Variants in ACACA observed in about 807,000 individuals in gnomAD.
ACACA encodes acetyl-CoA carboxylase 1.
Under a neutral mutation model 296.1 loss-of-function variants are expected in ACACA, and 103 were observed. The ratio of observed to expected loss-of-function variants is 0.35; its 90% CI spans 0.30 to 0.41. The LOEUF (loss-of-function observed/expected upper bound fraction) is 0.41, where lower values mean the gene tolerates loss of function less well. ACACA is among the 10% of genes least tolerant of loss of function. The probability of loss-of-function intolerance (pLI) is 1.00; values close to 1 mark genes in which losing one functional copy is unlikely to be tolerated. For synonymous variants in ACACA, 953 were observed against 1,038.6 expected, an observed-to-expected ratio of 0.92 and a Z score of 1.58; for missense variants, 1,554 against 2,989.7, an observed-to-expected ratio of 0.52 and a Z score of 11.20.
At chr17:37,115,872 T>C (rs2074223557) in intron 50 of ACACA, among the ~76,000 whole-genome samples, 1 of 152,226 alleles carries the variant, frequency 6.6e-6, no homozygotes, top group Non-Finnish European at 1.5e-5. Flanking sequence ...CTTATTTATA[T>C]ATCCAAGTTG....
In ACACA at chr17:37,087,285, A is replaced by C. The variant is rs1178776238; in HGVS notation, c.*31T>G. 2 of 1,613,790 alleles carry C rather than the reference A, an allele frequency of 1.2e-6. No individual in the cohort carries two copies. Among genetic ancestry groups the C allele is most frequent in the Admixed American group, 3.3e-5 (2 of 60,006 alleles). ...AGGCAGCTCTAGCCCTTTTCTCCAGAGACAGGGCAGGGACAGGCAGGAAGC... is the reference window on the plus strand; with the variant it reads ...AGGCAGCTCTAGCCCTTTTCTCCAGCGACAGGGCAGGGACAGGCAGGAAGC... On this transcript the variant is annotated 3_prime_UTR_variant, in exon 56 of 56. Transcript: ENST00000616317.
intron 1 of ACACA, among the ~76,000 whole-genome samples, chr17:37,344,393 A>T (rs1205690667): frequency 6.6e-6 from 1 of 151,990 alleles, no homozygotes; most frequent in Non-Finnish European, 1.5e-5. Flanking sequence ...CCCAGTCTCT[A>T]CTAAAAACAC....
Position 37,252,082 on chromosome 17 carries a change from C to A in ACACA, c.2004G>T (p.Gly668=). ...VQAERPDTML[G]VVCGALHVAD... is the part of the protein sequence containing the mutation. ...CCACGTGGAGGGCACCACACACAACCCCCAACATGGTGTCAGGTCGCTCAG... is the reference window on the plus strand; with the variant it reads ...CCACGTGGAGGGCACCACACACAACACCCAACATGGTGTCAGGTCGCTCAG... Residue 668 remains glycine (G), a synonymous_variant, in exon 16 of 56, where the codon GGG becomes GGT. Coordinates refer to ENST00000616317, the MANE Select transcript of ACACA (RefSeq NM_198834.3). The A allele has an allele frequency of 6.2e-7, 1 of 1,614,140 alleles. No homozygotes were observed. The highest frequency in any genetic ancestry group is 8.5e-7 in the Non-Finnish European group (1 of 1,180,012).
At chr17:37,271,233 G>A (rs1468741977) in intron 9 of ACACA, among the ~76,000 whole-genome samples, 1 of 152,116 alleles carries the variant, frequency 6.6e-6, no homozygotes, top group Non-Finnish European at 1.5e-5. Context: ...GAAAAGAATG[G>A]GTCCGGGCAC....
At chr17:37,190,469 GA>G (rs2077709535) in intron 38 of ACACA, among the ~76,000 whole-genome samples, 1 of 152,040 alleles carries the variant, frequency 6.6e-6, no homozygotes, top group Non-Finnish European at 1.5e-5. Context: ...AGAGGGAGCA[GA>G]AACAGAGAGC....
At chr17:37,375,815 G>A (rs913150783) in intron 1 of ACACA, among the ~76,000 whole-genome samples, 18 of 152,180 alleles carry the variant, frequency 1.2e-4, no homozygotes, top group Non-Finnish European at 2.1e-4. Flanking sequence ...CTTCCTGCTC[G>A]AGAAACCTCT....
At chr17:37,258,457 T>G in intron 12 of ACACA, 84 bp from the exon 13 acceptor site, 1 of 1,364,546 alleles carries the variant, frequency 7.3e-7, no homozygotes, top group Non-Finnish European at 1.0e-6. Flanking sequence ...TAAAATATTT[T>G]TATTTTTGGA....
chr17:37,283,255 C>T lies in ACACA; in HGVS notation c.610+12G>A, dbSNP rs762314965. On this transcript the variant is annotated intron_variant, in intron 5 of 55. Transcript: ENST00000616317. ...TTTTGAGAGTGATGCTTTCATAATG[C>T]TAATAACTCACCTGCATTGGCTTTA... The T allele has an allele frequency of 1.7e-5, 27 of 1,613,940 alleles. No individual in the cohort carries two copies. In the Admixed American group the frequency reaches 4.0e-4, roughly 24 times the overall value.
At chr17:37,390,310 A>ATATATAT (rs2050795858) in intron 1 of ACACA, among the ~76,000 whole-genome samples, 1 of 48,326 alleles carries the variant, frequency 2.1e-5, no homozygotes, top group African/African-American at 1.3e-4. Flanking sequence ...ATAATTATAT[A>ATATATAT]TATATATATA....
chr17:37,268,426 A>C (rs2081893334), intron 10 of ACACA, among the ~76,000 whole-genome samples: 1 of 152,138 alleles, frequency 6.6e-6, no homozygotes, highest in Non-Finnish European at 1.5e-5. Context: ...GTCTATTTCC[A>C]GTTCACCCTT....
intron 42 of ACACA, among the ~76,000 whole-genome samples, chr17:37,159,563 T>C (rs2144372419): frequency 6.6e-6 from 1 of 152,316 alleles, no homozygotes; most frequent in African/African-American, 2.4e-5. Context: ...TTCAGATGTT[T>C]TGCAACCATT....
chr17:37,183,047 T>C (rs1450132752), intron 39 of ACACA, among the ~76,000 whole-genome samples: 1 of 152,084 alleles, frequency 6.6e-6, no homozygotes, highest in African/African-American at 2.4e-5. Flanking sequence ...AGATTCAAAG[T>C]GTTAAGTAAG....
At chr17:37,348,374 G>A (rs899113429) in intron 1 of ACACA, among the ~76,000 whole-genome samples, 46 of 151,964 alleles carry the variant, frequency 3.0e-4, no homozygotes, top group African/African-American at 1.1e-3. Flanking sequence ...GAGACACCAA[G>A]GCACATCACT....
At chr17:37,402,138 A>T (rs896922153) in intron 1 of ACACA, among the ~76,000 whole-genome samples, 4 of 152,218 alleles carry the variant, frequency 2.6e-5, no homozygotes, top group Non-Finnish European at 5.9e-5. Context: ...TAAAGAGGAC[A>T]AAAGGTGTTT....
intron 2 of ACACA, among the ~76,000 whole-genome samples, chr17:37,338,062 A>C (rs534932518): frequency 2.0e-5 from 3 of 152,056 alleles, no homozygotes; most frequent in African/African-American, 7.2e-5. Context: ...ACGCCACTGC[A>C]CTCCAGCCTG....
At chr17:37,214,436 G>C (rs1206449636) in intron 29 of ACACA, among the ~76,000 whole-genome samples, 7 of 152,176 alleles carry the variant, frequency 4.6e-5, no homozygotes, top group African/African-American at 1.4e-4. Context: ...TCTGAAACAA[G>C]TACATCAACA....
chr17:37,390,161 T>C (rs1239837816), intron 1 of ACACA, among the ~76,000 whole-genome samples: 5 of 37,268 alleles, frequency 1.3e-4, no homozygotes, highest in East Asian at 8.3e-3. Context: ...TATATATATA[T>C]ATATATATAT....
At chr17:37,342,989 T>C (rs1286971024) in intron 1 of ACACA, among the ~76,000 whole-genome samples, 2 of 152,116 alleles carry the variant, frequency 1.3e-5, no homozygotes, top group African/African-American at 2.4e-5. Flanking sequence ...TTTTTTTTCT[T>C]TTTATTGAGA....
rs1567762097 is a variant in ACACA at position 37,174,009 on chromosome 17, TA to T, written c.5079+5250del. On this transcript the variant is annotated intron_variant, in intron 41 of 55. Transcript: ENST00000616317. Reference sequence around the variant, plus strand: ...ATATATATATATATATATATATATATATATATATATATTTTTTTTTTTTTTT... The same window carrying T: ...ATATATATATATATATATATATATATTATATATATATTTTTTTTTTTTTTT... Among the ~76,000 whole-genome samples, 95 of 15,024 alleles carry T rather than the reference TA, an allele frequency of 6.3e-3. 1 individual carries two copies. The highest frequency in any genetic ancestry group is 0.013 in the East Asian group (5 of 390). 9.9% of individuals were successfully genotyped at this position (15,024 alleles called of 152,430 possible).
Sources: gnomAD v4.1 joint callset for allele counts (sites outside exome capture counted in the v4.1 genomes callset) on GRCh38, gnomAD v4.1.1 for gene constraint, MANE v1.5 for transcripts, NCBI Gene and HGNC (gene_info 2026-07-23, HGNC 2026-07-21) for gene names.